The following TOX2 variants were observed in gnomAD, a reference collection of about 807,000 sequenced individuals.
The protein encoded by TOX2 is TOX high mobility group box family member 2, also known as granulosa cell HMG box 1.
In TOX2, 15 loss-of-function variants were observed where a neutral mutation model predicts 47.4. The ratio of observed to expected loss-of-function variants is 0.32; its 90% CI spans 0.21 to 0.49. The LOEUF is 0.49. Ranked by LOEUF, TOX2 falls within the 20% of genes least tolerant of loss-of-function variation. The pLI, the probability that TOX2 is intolerant of heterozygous loss-of-function variation, is 0.99. For missense variants in TOX2, 622 were observed against 673.1 expected, an observed-to-expected ratio of 0.92 and a Z score of 0.84; for synonymous variants, 290 against 296.6, an observed-to-expected ratio of 0.98 and a Z score of 0.23.
chr20:44,044,279 G>A (rs532875531), intron 3 of TOX2, among the ~76,000 whole-genome samples: 211 of 152,240 alleles, frequency 1.4e-3, no homozygotes, highest in Middle Eastern at 0.014. Flanking sequence ...GCCTGTTGTG[G>A]GGGGCGGTTG....
chr20:44,020,949 G>A (rs2070966054), intron 3 of TOX2, among the ~76,000 whole-genome samples: 1 of 152,102 alleles, frequency 6.6e-6, no homozygotes, highest in East Asian at 1.9e-4. Flanking sequence ...TTCCTACCCT[G>A]TGCACCTCCC....
chr20:43,929,222 G>A (rs1050067561), intron 1 of TOX2, among the ~76,000 whole-genome samples: 2 of 152,110 alleles, frequency 1.3e-5, no homozygotes, highest in African/African-American at 4.8e-5. Flanking sequence ...CTGCTCAATG[G>A]CTTTCTGTTG....
At chr20:43,926,038 T>C (rs1303487634) in intron 1 of TOX2, among the ~76,000 whole-genome samples, 1 of 152,180 alleles carries the variant, frequency 6.6e-6, no homozygotes, top group Non-Finnish European at 1.5e-5. Flanking sequence ...AAAATGTGCT[T>C]ATTTCGAAGC....
At position 44,035,961 on chromosome 20, in the gene TOX2, G is replaced by A. The variant is rs553586067; in HGVS notation, c.412-15345G>A. ...AGTGAGCTCTGGAATGCTAGGATGCGCCTTCTGAGATGTCCCAAATTGAGT... is the reference window on the plus strand; with the variant it reads ...AGTGAGCTCTGGAATGCTAGGATGCACCTTCTGAGATGTCCCAAATTGAGT... On this transcript the variant is annotated intron_variant, in intron 3 of 8. Coordinates refer to ENST00000341197, the MANE Select transcript of TOX2 (RefSeq NM_001098797.2). Among the ~76,000 whole-genome samples the A allele has an allele frequency of 3.4e-4, 52 of 152,350 alleles. No individual in the cohort carries two copies. The South Asian group carries it at 0.01, about 30-fold the overall frequency.
intron 1 of TOX2, among the ~76,000 whole-genome samples, chr20:43,967,350 T>C (rs1600691599): frequency 6.6e-6 from 1 of 152,290 alleles, no homozygotes; most frequent in Non-Finnish European, 1.5e-5. Flanking sequence ...TTGGTGATGT[T>C]GCAACCGTGA....
intron 3 of TOX2, among the ~76,000 whole-genome samples, chr20:44,034,128 G>A (rs2071200902): frequency 1.3e-5 from 2 of 152,158 alleles, no homozygotes; most frequent in South Asian, 4.1e-4. Context: ...CAGGCAGCTT[G>A]CAGAGCTCAT....
At chr20:43,928,988 A>AACAAACAAAC (rs1569005023) in intron 1 of TOX2, among the ~76,000 whole-genome samples, 2 of 150,218 alleles carry the variant, frequency 1.3e-5, no homozygotes, top group African/African-American at 2.5e-5. Context: ...TATGAAAAAA[A>AACAAACAAAC]AAAAAAAAAA....
At chr20:43,922,349 C>T (rs1433531332) in intron 1 of TOX2, among the ~76,000 whole-genome samples, 3 of 152,180 alleles carry the variant, frequency 2.0e-5, no homozygotes, top group Non-Finnish European at 4.4e-5. Flanking sequence ...GTCGTGACAA[C>T]AAAAATGTCT....
At chr20:43,942,285 G>C (rs1283103726) in intron 1 of TOX2, among the ~76,000 whole-genome samples, 1 of 152,194 alleles carries the variant, frequency 6.6e-6, no homozygotes, top group East Asian at 1.9e-4. Context: ...GAGGATCTAA[G>C]TTTGGCCAAG....
In TOX2 at chr20:43,980,517, T is replaced by C. The variant is rs563833694; in HGVS notation, c.165+7085T>C. On this transcript the variant is annotated intron_variant, in intron 2 of 8. Coordinates refer to ENST00000341197, the MANE Select transcript of TOX2 (RefSeq NM_001098797.2). ...AACTGAAAGAGTATAATTGGGTTGT[T>C]TGTGACACAAGGATAAATGCTTAAG... Among the ~76,000 whole-genome samples the C allele has an allele frequency of 1.7e-4, 26 of 152,340 alleles. No homozygotes were observed. The South Asian group carries it at 5.4e-3, about 32-fold the overall frequency.
chr20:44,059,963 G>A (rs960827098), intron 5 of TOX2, among the ~76,000 whole-genome samples: 3 of 152,032 alleles, frequency 2.0e-5, no homozygotes, highest in African/African-American at 7.3e-5. Context: ...AATACAGAAT[G>A]GCAGAATGAA....
At chr20:44,009,798 C>T (rs963954248) in intron 3 of TOX2, among the ~76,000 whole-genome samples, 2 of 152,168 alleles carry the variant, frequency 1.3e-5, no homozygotes, top group African/African-American at 4.8e-5. Flanking sequence ...AGAGCAGGGC[C>T]AGGTGGGCAC....
At chr20:43,922,282 T>C (rs182830569) in intron 1 of TOX2, among the ~76,000 whole-genome samples, 1 of 152,296 alleles carries the variant, frequency 6.6e-6, no homozygotes, top group Non-Finnish European at 1.5e-5. Context: ...TTGCGGAATG[T>C]TTAGTCCTAT....
At chr20:43,940,646 AG>A (rs2069391529) in intron 1 of TOX2, among the ~76,000 whole-genome samples, 2 of 152,018 alleles carry the variant, frequency 1.3e-5, no homozygotes, top group African/African-American at 4.8e-5. Flanking sequence ...CCAGAGTCGC[AG>A]GGATGGAGGG....
intron 2 of TOX2, among the ~76,000 whole-genome samples, chr20:43,982,871 G>C (rs968652661): frequency 6.6e-6 from 1 of 151,432 alleles, no homozygotes; most frequent in Non-Finnish European, 1.5e-5. Context: ...TTCCTGTTGA[G>C]GCAGGAGGCA....
chr20:43,990,169 A>G (rs1013969862), intron 2 of TOX2, among the ~76,000 whole-genome samples: 2 of 152,224 alleles, frequency 1.3e-5, no homozygotes, highest in African/African-American at 4.8e-5. Context: ...AGTACATAGG[A>G]TAAGGATACC....
chr20:44,020,625 C>A (rs2070960724), intron 3 of TOX2, among the ~76,000 whole-genome samples: 1 of 152,108 alleles, frequency 6.6e-6, no homozygotes, highest in Admixed American at 6.5e-5. Context: ...CTAAGGCCAG[C>A]AGCAGCAGCA....
At chr20:43,961,792 C>A in intron 1 of TOX2, among the ~76,000 whole-genome samples, 1 of 152,008 alleles carries the variant, frequency 6.6e-6, no homozygotes, top group East Asian at 1.9e-4. Flanking sequence ...GTGGGTGAGA[C>A]CAGCCGAGAG....
At position 44,018,599 on chromosome 20, in the gene TOX2, C is replaced by T. The variant is rs116603077; in HGVS notation, c.411+11807C>T. ...TGAGATTTATTGGAGTCATTTTCCCCCTGCTCTGCCTGGATAATAAAAAGT... is the reference window on the plus strand; with the variant it reads ...TGAGATTTATTGGAGTCATTTTCCCTCTGCTCTGCCTGGATAATAAAAAGT... On this transcript the variant is annotated intron_variant, in intron 3 of 8. Coordinates refer to ENST00000341197, the MANE Select transcript of TOX2 (RefSeq NM_001098797.2). 1.5e-3 allele frequency among the ~76,000 whole-genome samples: 233 copies of T among 152,306 alleles called. 1 individual carries two copies. Among genetic ancestry groups the T allele is most frequent in the African/African-American group, 5.4e-3 (226 of 41,556 alleles).
Sources: allele counts gnomAD v4.1 joint callset (sites outside exome capture counted in the v4.1 genomes callset), GRCh38; gene constraint gnomAD v4.1.1; transcripts MANE v1.5; gene names NCBI Gene and HGNC (gene_info 2026-07-23, HGNC 2026-07-21).